The following SLC9A9 variants were observed in gnomAD, a reference collection of about 807,000 sequenced individuals.
The protein encoded by SLC9A9 is solute carrier family 9 member A9, also known as sodium/hydrogen exchanger 9.
Under a neutral mutation model 77.8 loss-of-function variants are expected in SLC9A9, and 62 were observed. The ratio of observed to expected loss-of-function variants is 0.80; its 90% CI spans 0.65 to 0.98. The LOEUF is 0.98. Ranked by LOEUF, SLC9A9 falls within the 50% of genes least tolerant of loss-of-function variation. The pLI, the probability that SLC9A9 is intolerant of heterozygous loss-of-function variation, is 0.00. For missense variants in SLC9A9, 775 were observed against 774.9 expected (o/e 1.00, Z 0.00); for synonymous variants, 320 against 283.5 (o/e 1.13, Z -1.29).
At chr3:143,321,270 G>A (rs1054314981) in intron 14 of SLC9A9, among the ~76,000 whole-genome samples, 15 of 152,192 alleles carry the variant, frequency 9.9e-5, no homozygotes, top group East Asian at 3.8e-4. Context: ...TAGAAGCTCC[G>A]TTTACTATGA....
At chr3:143,705,397 G>T (rs535229259) in intron 4 of SLC9A9, among the ~76,000 whole-genome samples, 102 of 152,012 alleles carry the variant, frequency 6.7e-4, no homozygotes, top group African/African-American at 2.3e-3. Flanking sequence ...AACATAACAG[G>T]GTGACTACAG....
chr3:143,804,553 C>T (rs1282612561), intron 2 of SLC9A9, among the ~76,000 whole-genome samples: 1 of 152,176 alleles, frequency 6.6e-6, no homozygotes, highest in Non-Finnish European at 1.5e-5. Context: ...TTTGCATCTC[C>T]AGTTTTGCCT....
intron 14 of SLC9A9, among the ~76,000 whole-genome samples, chr3:143,333,170 G>C (rs2031826476): frequency 6.6e-6 from 1 of 152,014 alleles, no homozygotes; most frequent in Non-Finnish European, 1.5e-5. Context: ...TTGCACAATT[G>C]TCCTGCCTAT....
chr3:143,270,960 C>A (rs1327771357), intron 14 of SLC9A9, among the ~76,000 whole-genome samples: 1 of 152,180 alleles, frequency 6.6e-6, no homozygotes. Context: ...AGAAATAATT[C>A]ACAAGTTTTA....
chr3:143,820,048 G>T (rs1226485687), intron 2 of SLC9A9, among the ~76,000 whole-genome samples: 1 of 152,154 alleles, frequency 6.6e-6, no homozygotes, highest in African/African-American at 2.4e-5. Context: ...AATATACTTT[G>T]AGCACTTACT....
intron 4 of SLC9A9, among the ~76,000 whole-genome samples, chr3:143,701,703 G>C (rs1283828675): frequency 3.3e-5 from 5 of 152,084 alleles, no homozygotes; most frequent in Admixed American, 1.3e-4. Flanking sequence ...AAGAGTTATT[G>C]GCCTTAAAGA....
intron 6 of SLC9A9, among the ~76,000 whole-genome samples, chr3:143,605,866 T>A (rs767098956): frequency 2.9e-4 from 44 of 152,032 alleles, no homozygotes; most frequent in Non-Finnish European, 2.8e-4. Flanking sequence ...GATAGAGAAA[T>A]CTCTCCTGCA....
At chr3:143,550,256 C>T (rs2036856808) in intron 9 of SLC9A9, among the ~76,000 whole-genome samples, 1 of 152,160 alleles carries the variant, frequency 6.6e-6, no homozygotes, top group Non-Finnish European at 1.5e-5. Flanking sequence ...TTCTCTACTC[C>T]CACTGCCCTA....
intron 4 of SLC9A9, among the ~76,000 whole-genome samples, chr3:143,766,009 A>G (rs2007301338): frequency 6.6e-6 from 1 of 152,228 alleles, no homozygotes; most frequent in African/African-American, 2.4e-5. Context: ...TACCAGGCAA[A>G]TATTAGGCAC....
chr3:143,764,711 C>T (rs758995436), intron 4 of SLC9A9, among the ~76,000 whole-genome samples: 19 of 152,122 alleles, frequency 1.2e-4, no homozygotes, highest in Non-Finnish European at 2.6e-4. Context: ...CATGCACTAC[C>T]ATACCCAACT....
intron 6 of SLC9A9, among the ~76,000 whole-genome samples, chr3:143,582,579 A>G (rs902079404): frequency 6.6e-6 from 1 of 152,210 alleles, no homozygotes; most frequent in African/African-American, 2.4e-5. Flanking sequence ...TCACTTTTGC[A>G]TAAGAACAAC....
rs2038502829 is a variant in SLC9A9, at chr3:143,635,438, G to C, written c.755+16817C>G. Among the ~76,000 whole-genome samples the C allele has an allele frequency of 2.0e-5, 3 of 152,306 alleles. No homozygotes were observed. In the South Asian group the frequency reaches 6.2e-4, roughly 32 times the overall value. On this transcript the variant is annotated intron_variant, in intron 6 of 15. Coordinates refer to ENST00000316549, the MANE Select transcript of SLC9A9 (RefSeq NM_173653.4). ...GGGCTATGTTTTAAAACTGCCACTG[G>C]CTGTCTCAAGCATCTGTCACCAAAT...
At chr3:143,837,707 T>C (rs2009604134) in intron 1 of SLC9A9, among the ~76,000 whole-genome samples, 1 of 152,178 alleles carries the variant, frequency 6.6e-6, no homozygotes. Context: ...ATGTTCTCAC[T>C]CTCCCTGCTG....
At chr3:143,474,796 A>T (rs780208780) in intron 11 of SLC9A9, among the ~76,000 whole-genome samples, 1 of 146,238 alleles carries the variant, frequency 6.8e-6, no homozygotes, top group Non-Finnish European at 1.6e-5. Flanking sequence ...TAGGAAGATG[A>T]AGTTTATTTT....
chr3:143,289,154 G>T (rs971077255), intron 14 of SLC9A9, among the ~76,000 whole-genome samples: 2 of 152,120 alleles, frequency 1.3e-5, no homozygotes, highest in Non-Finnish European at 2.9e-5. Context: ...TCTGTAATTA[G>T]CATGGGTGGG....
chr3:143,364,809 T>C (rs1411426790), intron 13 of SLC9A9, among the ~76,000 whole-genome samples: 1 of 152,218 alleles, frequency 6.6e-6, no homozygotes, highest in South Asian at 2.1e-4. Flanking sequence ...CAAACTTTTG[T>C]CTTTTTCATT....
intron 14 of SLC9A9, among the ~76,000 whole-genome samples, chr3:143,362,562 A>G (rs1334708059): frequency 6.6e-6 from 1 of 151,234 alleles, no homozygotes; most frequent in Admixed American, 6.6e-5. Flanking sequence ...CTATTCTTTG[A>G]ATTTCCTTTC....
intron 6 of SLC9A9, among the ~76,000 whole-genome samples, chr3:143,624,966 A>C (rs1235905247): frequency 6.6e-6 from 1 of 152,196 alleles, no homozygotes; most frequent in African/African-American, 2.4e-5. Flanking sequence ...CTTATACACC[A>C]ATAACAGACA....
intron 15 of SLC9A9, among the ~76,000 whole-genome samples, chr3:143,267,411 C>T (rs886982711): frequency 4.4e-5 from 6 of 136,146 alleles, no homozygotes; most frequent in African/African-American, 6.0e-5. Flanking sequence ...TGCAGTGTTG[C>T]GATCTCAGCT....
Sources: allele counts gnomAD v4.1 joint callset (sites outside exome capture counted in the v4.1 genomes callset), GRCh38; gene constraint gnomAD v4.1.1; transcripts MANE v1.5; gene names NCBI Gene and HGNC (gene_info 2026-07-23, HGNC 2026-07-21).